SKI: variants seen among roughly 807,000 people sequenced by gnomAD.
SKI encodes the protein SKI proto-oncogene, also known as ski oncogene.
A neutral mutation model predicts 59.3 loss-of-function variants in SKI; 23 were observed. That is an observed-to-expected ratio of 0.39 (90% CI 0.28 to 0.55). The LOEUF (loss-of-function observed/expected upper bound fraction) is 0.55, where lower values mean the gene tolerates loss of function less well. SKI is among the 20% of genes least tolerant of loss of function. The probability of loss-of-function intolerance (pLI) is 0.67; values close to 1 mark genes in which losing one functional copy is unlikely to be tolerated. For missense variants in SKI, 1,017 were observed against 1,038.9 expected (o/e 0.98, Z 0.29); for synonymous variants, 673 against 488.6 (o/e 1.38, Z -4.98).
In SKI at chr1:2,228,982, C is replaced by T. The variant is rs756778048; in HGVS notation, c.216C>T (p.Pro72=). 1.3e-3 allele frequency: 1,930 copies of T among 1,471,856 alleles called. 2 individuals carry two copies. Among genetic ancestry groups the T allele is most frequent in the Middle Eastern group, 3.3e-3 (16 of 4,800 alleles). 91.2% of individuals were successfully genotyped at this position (1,471,856 alleles called of 1,614,324 possible). A position where few individuals can be genotyped will look rare whatever the true frequency, so the allele number is the denominator to read the frequency against. The change falls in exon 1 of 7, where the codon CCC becomes CCT. Residue 72 remains proline, a synonymous_variant. Coordinates refer to ENST00000378536, the MANE Select transcript of SKI (RefSeq NM_003036.4). Reference sequence around the variant, plus strand: ...TGCCCGCAGCCACCGAGCCGCCGCCCGTGCTGCACCTGCCCGCCATCCAGC... The same window carrying T: ...TGCCCGCAGCCACCGAGCCGCCGCCTGTGCTGCACCTGCCCGCCATCCAGC... The part of the protein sequence containing the change: ...APVPAATEPP[P]VLHLPAIQPP...
At chr1:2,287,880 C>A (rs954607430) in intron 1 of SKI, among the ~76,000 whole-genome samples, 1 of 152,234 alleles carries the variant, frequency 6.6e-6, no homozygotes, top group African/African-American at 2.4e-5. Context: ...TCCGGCCCCA[C>A]CCCGAGCCCT....
At chr1:2,250,596 G>C (rs976362432) in intron 1 of SKI, among the ~76,000 whole-genome samples, 3 of 152,192 alleles carry the variant, frequency 2.0e-5, no homozygotes, top group African/African-American at 7.2e-5. Flanking sequence ...ACTTTTTGCC[G>C]GTCATTTGAG....
rs1195044813 is a variant in SKI, at chr1:2,268,317, T to C, written c.970-34661T>C. Among the ~76,000 whole-genome samples, 2 of 152,192 alleles carry C rather than the reference T, an allele frequency of 1.3e-5. No individual in the cohort carries two copies. Among genetic ancestry groups the C allele is most frequent in the African/African-American group, 4.8e-5 (2 of 41,448 alleles). On this transcript the variant is annotated intron_variant, in intron 1 of 6. Transcript: ENST00000378536. This position sits in a 1 kb window ranked among gnomAD's most constrained non-coding sequence, Gnocchi z 5.0. Reference sequence around the variant, plus strand: ...GTCTCAGAGGGCTCAGGGCTCCTGGTAGGGTTTGGGTGGGCTGAACCCTGC... The same window carrying C: ...GTCTCAGAGGGCTCAGGGCTCCTGGCAGGGTTTGGGTGGGCTGAACCCTGC...
chr1:2,232,478 C>T (rs1348573126), intron 1 of SKI: 1 of 152,334 alleles, frequency 6.6e-6, no homozygotes, highest in Non-Finnish European at 1.5e-5. Context: ...CCTCCTGTGA[C>T]AGCGGCTGTG....
chr1:2,303,353 G>T lies in SKI; in HGVS notation c.1164G>T (p.Ala388=). ...AFRPWSPAVS[A]SEKELSPHLP... ...GACCCTGGTCCCCCGCAGTGTCAGC[G>T]AGTGAGAAAGAGCTCTCCCCACACC... The change falls in exon 3 of 7, where the codon GCG becomes GCT. Residue 388 remains alanine (A), a synonymous_variant. Transcript: ENST00000378536. The surrounding 1 kb of genome is among the most constrained non-coding windows in gnomAD (Gnocchi z 5.6). The T allele has an allele frequency of 2.5e-6, 4 of 1,613,730 alleles. No individual in the cohort carries two copies. Among genetic ancestry groups the T allele is most frequent in the Non-Finnish European group, 3.4e-6 (4 of 1,180,036 alleles).
chr1:2,264,333 G>C (rs896906828), intron 1 of SKI, among the ~76,000 whole-genome samples: 2 of 151,952 alleles, frequency 1.3e-5, no homozygotes, highest in Non-Finnish European at 2.9e-5. Flanking sequence ...GCAGTGGCAC[G>C]ATCTCGGCTC....
At chr1:2,262,249 C>CT (rs1392896070) in intron 1 of SKI, among the ~76,000 whole-genome samples, 1 of 148,898 alleles carries the variant, frequency 6.7e-6, no homozygotes, top group African/African-American at 2.5e-5. Context: ...GACGCCCTCG[C>CT]TCCTGATCTC....
intron 1 of SKI, among the ~76,000 whole-genome samples, chr1:2,291,567 C>T (rs896555641): frequency 3.9e-5 from 6 of 152,224 alleles, no homozygotes; most frequent in Non-Finnish European, 7.3e-5. Flanking sequence ...GAGCCCTCCC[C>T]GGGACAGCAG....
At position 2,285,561 on chromosome 1, in the gene SKI, T is replaced by A. The variant is rs1640019722; in HGVS notation, c.970-17417T>A. Among the ~76,000 whole-genome samples the A allele has an allele frequency of 2.8e-5, 4 of 141,676 alleles. No individual in the cohort carries two copies. In the Admixed American group the frequency reaches 2.8e-4, roughly 10 times the overall value. 92.9% of individuals were successfully genotyped at this position (141,676 alleles called of 152,430 possible). A position where few individuals can be genotyped will look rare whatever the true frequency, so the allele number is the denominator to read the frequency against. Reference sequence around the variant, plus strand: ...CAACTCTTCCTTTGAAAGTTTTGTTTTGTTGTTTTTGTTTTTTTTTTGAGA... The same window carrying A: ...CAACTCTTCCTTTGAAAGTTTTGTTATGTTGTTTTTGTTTTTTTTTTGAGA... On this transcript the variant is annotated intron_variant, in intron 1 of 6. Transcript: ENST00000378536.
At chr1:2,232,946 G>T (rs540825293) in intron 1 of SKI, among the ~76,000 whole-genome samples, 4 of 152,218 alleles carry the variant, frequency 2.6e-5, no homozygotes, top group South Asian at 2.1e-4. Flanking sequence ...CTTTCCGGTC[G>T]GCTCGCCTCC....
At chr1:2,257,957 C>T (rs1437318649) in intron 1 of SKI, among the ~76,000 whole-genome samples, 2 of 152,086 alleles carry the variant, frequency 1.3e-5, no homozygotes. Flanking sequence ...AGGTTGGTCT[C>T]GAACTCCCGA....
rs543213063 is a variant in SKI at position 2,293,353 on chromosome 1, G to A, written c.970-9625G>A. 3.2e-4 allele frequency among the ~76,000 whole-genome samples: 48 copies of A among 152,194 alleles called. 1 individual carries two copies. Among genetic ancestry groups the A allele is most frequent in the South Asian group, 2.3e-3 (11 of 4,822 alleles). On this transcript the variant is annotated intron_variant, in intron 1 of 6. Coordinates refer to ENST00000378536, the MANE Select transcript of SKI (RefSeq NM_003036.4). Reference sequence around the variant, plus strand: ...TCACGGGCCCTGAGTGGTGTTGCCCGTGGGCCTGGAAGGTCCAGCCGAGGG... The same window carrying A: ...TCACGGGCCCTGAGTGGTGTTGCCCATGGGCCTGGAAGGTCCAGCCGAGGG...
At chr1:2,235,899 T>G (rs1414733346) in intron 1 of SKI, among the ~76,000 whole-genome samples, 6 of 152,144 alleles carry the variant, frequency 3.9e-5, no homozygotes, top group Admixed American at 3.3e-4. Context: ...TCGCTTGAAG[T>G]GCTTATTCCT....
At chr1:2,279,893 G>C (rs1262927421) in intron 1 of SKI, among the ~76,000 whole-genome samples, 1 of 152,200 alleles carries the variant, frequency 6.6e-6, no homozygotes, top group Non-Finnish European at 1.5e-5. Flanking sequence ...CCAGTGAGGG[G>C]AACTGGCCTG....
At chr1:2,232,933 C>T (rs1293580340) in intron 1 of SKI, among the ~76,000 whole-genome samples, 2 of 152,206 alleles carry the variant, frequency 1.3e-5, no homozygotes, top group African/African-American at 2.4e-5. Flanking sequence ...ACCCCTCTTT[C>T]TTCTTTCCGG....
rs543715001 is a variant in SKI at position 2,257,381 on chromosome 1, T to C, written c.969+27646T>C. On this transcript the variant is annotated intron_variant, in intron 1 of 6. Coordinates refer to ENST00000378536, the MANE Select transcript of SKI (RefSeq NM_003036.4). ...CCTGGGAGCCCGCGGATGGCTCTTA[T>C]GCAGACGTGCGGGCCAGCCCCGATC... is the stretch of plus-strand genomic sequence containing the variant. Among the ~76,000 whole-genome samples, 175 of 152,390 alleles carry C rather than the reference T, an allele frequency of 1.1e-3. 1 individual carries two copies. Among genetic ancestry groups the C allele is most frequent in the African/African-American group, 3.9e-3 (163 of 41,600 alleles).
At chr1:2,260,548 T>C (rs1452830620) in intron 1 of SKI, among the ~76,000 whole-genome samples, 2 of 136,258 alleles carry the variant, frequency 1.5e-5, no homozygotes, top group Non-Finnish European at 3.1e-5. Context: ...TTTTTTTTTT[T>C]TTTTTTTTTT....
chr1:2,306,996 G>A lies in SKI; in HGVS notation c.*231G>A, dbSNP rs1640607655. ...TCCCCCAACTACAGCTGGAGACGGG[G>A]CCAGCTCGGCGGCCTGCTGGTCCTC... On this transcript the variant is annotated 3_prime_UTR_variant, in exon 7 of 7. Coordinates refer to ENST00000378536, the MANE Select transcript of SKI (RefSeq NM_003036.4). The A allele has an allele frequency of 3.2e-6, 1 of 311,312 alleles. No homozygotes were observed. The highest frequency in any genetic ancestry group is 5.9e-6 in the Non-Finnish European group (1 of 170,294). 19.3% of individuals were successfully genotyped at this position (311,312 alleles called of 1,614,324 possible). A position where few individuals can be genotyped will look rare whatever the true frequency, so the allele number is the denominator to read the frequency against.
At chr1:2,239,956 T>C (rs1050924588) in intron 1 of SKI, among the ~76,000 whole-genome samples, 2 of 152,258 alleles carry the variant, frequency 1.3e-5, no homozygotes, top group African/African-American at 4.8e-5. Flanking sequence ...TTCGGTTCCC[T>C]GACTGAGCTC....
Sources: gnomAD v4.1 joint callset for allele counts (sites outside exome capture counted in the v4.1 genomes callset) on GRCh38, gnomAD v4.1.1 for gene constraint, Gnocchi (gnomAD v3.1) non-coding constraint, MANE v1.5 for transcripts, NCBI Gene and HGNC (gene_info 2026-07-23, HGNC 2026-07-21) for gene names.